Variants in GNG7 observed in about 807,000 individuals in gnomAD.
GNG7 encodes guanine nucleotide-binding protein G(I)/G(S)/G(O) subunit gamma-7.
A neutral mutation model predicts 4.0 loss-of-function variants in GNG7; 1 was observed. The ratio of observed to expected loss-of-function variants is 0.25; its 90% CI spans 0.09 to 1.18. The LOEUF (loss-of-function observed/expected upper bound fraction) is 1.18. Ranked by LOEUF, GNG7 falls within the 50% of genes most tolerant of loss-of-function variation. The pLI is 0.50. For missense variants in GNG7, 86 were observed against 91.9 expected (o/e 0.94, Z 0.26); for synonymous variants, 34 against 36.9 (o/e 0.92, Z 0.29).
In GNG7 at chr19:2,634,444, A is replaced by C. The variant is rs1982252944; in HGVS notation, c.-78+11780T>G. The stretch of plus-strand genomic sequence containing the variant: ...ACCCCTGCTATAGAGGGTCAAGGTC[A>C]TGTCCAAGCTCTCCTACCGCCGGGA... On this transcript the variant is annotated intron_variant, in intron 2 of 4. Coordinates refer to ENST00000382159, the MANE Select transcript of GNG7 (RefSeq NM_052847.3). The surrounding 1 kb of genome is among the most constrained non-coding windows in gnomAD (Gnocchi z 5.3). 6.6e-6 allele frequency among the ~76,000 whole-genome samples: 1 copy of C among 152,190 alleles called. No individual in the cohort carries two copies. Among genetic ancestry groups the C allele is most frequent in the Non-Finnish European group, 1.5e-5 (1 of 68,032 alleles).
At position 2,634,347 on chromosome 19, in the gene GNG7, G is replaced by A. The variant is rs1271608512; in HGVS notation, c.-78+11877C>T. Reference sequence around the variant, plus strand: ...CATGCCAGGAGCTCCCCCAAGTCGCGAAAACCACAGATGTCCCAGAAATTG... The same window carrying A: ...CATGCCAGGAGCTCCCCCAAGTCGCAAAAACCACAGATGTCCCAGAAATTG... On this transcript the variant is annotated intron_variant, in intron 2 of 4. Transcript: ENST00000382159. This position sits in a 1 kb window ranked among gnomAD's most constrained non-coding sequence, Gnocchi z 5.3. Among the ~76,000 whole-genome samples, 4 of 152,214 alleles carry A rather than the reference G, an allele frequency of 2.6e-5. No individual in the cohort carries two copies. Among genetic ancestry groups the A allele is most frequent in the Admixed American group, 2.0e-4 (3 of 15,284 alleles).
At chr19:2,558,728 CTT>C (rs1398114316) in intron 2 of GNG7, among the ~76,000 whole-genome samples, 4 of 150,718 alleles carry the variant, frequency 2.7e-5, no homozygotes, top group Non-Finnish European at 5.9e-5. Flanking sequence ...CTTTCTTTCT[CTT>C]TTCTTTCTTC....
At chr19:2,565,178 C>T (rs12975010) in intron 2 of GNG7, among the ~76,000 whole-genome samples, 23,432 of 152,130 alleles carry the variant, frequency 0.15, 2,038 homozygotes, top group Middle Eastern at 0.22. Flanking sequence ...GGAAAACACA[C>T]GTGCAACCCT....
At chr19:2,588,459 C>T (rs1004830286) in intron 2 of GNG7, among the ~76,000 whole-genome samples, 5 of 152,226 alleles carry the variant, frequency 3.3e-5, no homozygotes, top group African/African-American at 1.2e-4. Context: ...TAAAAGTCAA[C>T]AGCTGGTGAA....
chr19:2,601,980 C>T (rs1303594692), intron 2 of GNG7, among the ~76,000 whole-genome samples: 1 of 151,934 alleles, frequency 6.6e-6, no homozygotes, highest in African/African-American at 2.4e-5. Flanking sequence ...CCAGATGATC[C>T]TTCCAGAATC....
intron 2 of GNG7, among the ~76,000 whole-genome samples, chr19:2,570,449 C>G (rs550421503): frequency 2.0e-5 from 3 of 152,174 alleles, no homozygotes; most frequent in Non-Finnish European, 4.4e-5. Flanking sequence ...AGGAAGGAAA[C>G]TTCCCTTTCC....
At chr19:2,673,637 G>A (rs1983521147) in intron 1 of GNG7, among the ~76,000 whole-genome samples, 1 of 149,928 alleles carries the variant, frequency 6.7e-6, no homozygotes, top group Non-Finnish European at 1.5e-5. Context: ...AGGTTGCAGT[G>A]AGCCAAGATC....
intron 2 of GNG7, among the ~76,000 whole-genome samples, chr19:2,589,384 T>G (rs866256076): frequency 1.3e-5 from 2 of 148,718 alleles, no homozygotes; most frequent in Middle Eastern, 3.4e-3. Flanking sequence ...TTTTTTTTTT[T>G]TTTTTTTTTT....
intron 1 of GNG7, among the ~76,000 whole-genome samples, chr19:2,661,765 G>T (rs1983186960): frequency 6.6e-6 from 1 of 151,630 alleles, no homozygotes; most frequent in African/African-American, 2.4e-5. Context: ...GTCAAGGCCA[G>T]TTGGAAGCTG....
At position 2,673,274 on chromosome 19, in the gene GNG7, A is replaced by G. The variant is rs924525657; in HGVS notation, c.-134-26994T>C. Among the ~76,000 whole-genome samples, 13 of 147,966 alleles carry G rather than the reference A, an allele frequency of 8.8e-5. 1 individual carries two copies. The highest frequency in any genetic ancestry group is 1.9e-4 in the Non-Finnish European group (13 of 67,304). On this transcript the variant is annotated intron_variant, in intron 1 of 4. Transcript: ENST00000382159. ...TTCCATCTCAAAAAAAAAACAAAAC[A>G]AAACAAAACAAAACAAAAAAAAACC...
chr19:2,625,402 A>G (rs1201679828), intron 2 of GNG7, among the ~76,000 whole-genome samples: 7 of 152,120 alleles, frequency 4.6e-5, no homozygotes, highest in African/African-American at 1.7e-4. Flanking sequence ...TTGCAGAAAT[A>G]GAGGGGGGTC....
rs1053659726 is a variant in GNG7 at position 2,626,194 on chromosome 19, C to T, written c.-78+20030G>A. Among the ~76,000 whole-genome samples, 6 of 152,166 alleles carry T rather than the reference C, an allele frequency of 3.9e-5. No individual in the cohort carries two copies. Among genetic ancestry groups the T allele is most frequent in the African/African-American group, 1.4e-4 (6 of 41,434 alleles). On this transcript the variant is annotated intron_variant, in intron 2 of 4. Transcript: ENST00000382159. This position sits in a 1 kb window ranked among gnomAD's most constrained non-coding sequence, Gnocchi z 5.0. The stretch of plus-strand genomic sequence containing the variant: ...AGTGACCGCGGGTGCCCACCTGACC[C>T]CGTGTCTCCAGCGGGAACGTGAAGC...
Position 2,669,434 on chromosome 19 carries a change from G to A in GNG7, c.-134-23154C>T, listed in dbSNP as rs369415430. ...GAACCCAGGAGGCAGAGGTTGCAGT[G>A]AGCCGGGATCGTGCCACTGCACTCC... On this transcript the variant is annotated intron_variant, in intron 1 of 4. Coordinates refer to ENST00000382159, the MANE Select transcript of GNG7 (RefSeq NM_052847.3). 5.9e-5 allele frequency among the ~76,000 whole-genome samples: 9 copies of A among 152,192 alleles called. No individual in the cohort carries two copies. The East Asian group carries it at 1.3e-3, about 23-fold the overall frequency.
chr19:2,642,107 C>G (rs957792747), intron 2 of GNG7: 1 of 157,842 alleles, frequency 6.3e-6, no homozygotes, highest in East Asian at 1.9e-4. Flanking sequence ...AGCTCCGATC[C>G]AGGCCCTCGG....
intron 2 of GNG7, among the ~76,000 whole-genome samples, chr19:2,604,004 C>T (rs998536948): frequency 1.3e-5 from 2 of 151,758 alleles, no homozygotes; most frequent in Non-Finnish European, 2.9e-5. Context: ...GCGCCCGCCA[C>T]CACGCCCCGC....
Position 2,557,111 on chromosome 19 carries a change from GCA to G in GNG7, c.-77-1925_-77-1924del, listed in dbSNP as rs1286991982. On this transcript the variant is annotated intron_variant, in intron 2 of 4. Transcript: ENST00000382159. This position sits in a 1 kb window ranked among gnomAD's most constrained non-coding sequence, Gnocchi z 5.1. Reference sequence around the variant, plus strand: ...TGCACACAGGAATACTCAGACACACGCACACACGTACACACGTGTACTGCACA... The same window carrying G: ...TGCACACAGGAATACTCAGACACACGCACACGTACACACGTGTACTGCACA... 6.7e-6 allele frequency among the ~76,000 whole-genome samples: 1 copy of G among 148,678 alleles called. No homozygotes were observed. Among genetic ancestry groups the G allele is most frequent in the Non-Finnish European group, 1.5e-5 (1 of 67,166 alleles).
chr19:2,622,246 A>AT (rs1981894142), intron 2 of GNG7, among the ~76,000 whole-genome samples: 1 of 151,726 alleles, frequency 6.6e-6, no homozygotes, highest in Non-Finnish European at 1.5e-5. Context: ...CACCCGGCTA[A>AT]TTTTTTGTAT....
chr19:2,667,316 C>A (rs889335467), intron 1 of GNG7, among the ~76,000 whole-genome samples: 2 of 151,976 alleles, frequency 1.3e-5, no homozygotes, highest in African/African-American at 4.8e-5. Context: ...AGTGAGACTC[C>A]CTCTCAAAAA....
intron 3 of GNG7, among the ~76,000 whole-genome samples, chr19:2,531,926 C>T (rs374775654): frequency 7.4e-5 from 11 of 148,668 alleles, no homozygotes; most frequent in South Asian, 2.1e-4. Context: ...CCTAGGCAGG[C>T]GGATCATGAG....
Sources: allele counts gnomAD v4.1 joint callset (sites outside exome capture counted in the v4.1 genomes callset), GRCh38; gene constraint gnomAD v4.1.1; non-coding constraint Gnocchi (gnomAD v3.1); transcripts MANE v1.5; gene names NCBI Gene and HGNC (gene_info 2026-07-23, HGNC 2026-07-21).